HECA: variants seen among roughly 807,000 people sequenced by gnomAD.
HECA encodes headcase protein homolog.
In HECA, 13 loss-of-function variants were observed where a neutral mutation model predicts 37.6. The ratio of observed to expected loss-of-function variants is 0.35; its 90% CI spans 0.23 to 0.55. HECA has a LOEUF of 0.55. Ranked by LOEUF, HECA falls within the 20% of genes least tolerant of loss-of-function variation. The pLI is 0.90. For synonymous variants in HECA, 307 were observed against 291.5 expected, an observed-to-expected ratio of 1.05 and a Z score of -0.54; for missense variants, 527 against 701.9, an observed-to-expected ratio of 0.75 and a Z score of 2.82.
chr6:139,150,273 A>G (rs947583789), intron 1 of HECA, among the ~76,000 whole-genome samples: 1 of 152,188 alleles, frequency 6.6e-6, no homozygotes, highest in African/African-American at 2.4e-5. Context: ...AATACTGGTC[A>G]TGTGTATGTA....
intron 2 of HECA, 49 bp downstream of exon 2, chr6:139,167,373 A>G: frequency 1.4e-6 from 2 of 1,401,620 alleles, no homozygotes; most frequent in Non-Finnish European, 2.0e-6. Flanking sequence ...TAAAAACCAA[A>G]CAACAAACAA....
intron 1 of HECA, among the ~76,000 whole-genome samples, chr6:139,149,518 G>A (rs1774626732): frequency 6.6e-6 from 1 of 152,234 alleles, no homozygotes; most frequent in Non-Finnish European, 1.5e-5. Context: ...TTCCCAACCA[G>A]TGATGAATGC....
At chr6:139,163,709 A>G (rs986545480) in intron 1 of HECA, among the ~76,000 whole-genome samples, 1 of 151,994 alleles carries the variant, frequency 6.6e-6, no homozygotes, top group Non-Finnish European at 1.5e-5. Context: ...TTCTGAGTTC[A>G]TTTCTTACCA....
chr6:139,166,547 C>G lies in HECA; in HGVS notation c.535C>G (p.Arg179Gly). 1 of 1,614,230 alleles carries G rather than the reference C, an allele frequency of 6.2e-7. No homozygotes were observed. Among genetic ancestry groups the G allele is most frequent in the Non-Finnish European group, 8.5e-7 (1 of 1,180,044 alleles). Residue 179 changes from arginine (R) to glycine (G), a missense_variant, in exon 2 of 4, where the codon CGC (arginine) becomes GGC (glycine). Around this residue, in one of 4 missense-constraint regions of HECA, gnomAD observed 21 missense variants for 51.2 expected, o/e 0.41. Transcript: ENST00000367658. Reference protein sequence around the residue: ...YDLAFRFCSCRCGQGHLKKDT... With the variant: ...YDLAFRFCSCGCGQGHLKKDT... ...CCTGGCCTTCCGCTTCTGCTCTTGC[C>G]GCTGTGGCCAGGGCCACTTGAAGAA...
rs1228765708 is a variant in HECA at position 139,177,228 on chromosome 6, A to G, written c.*123A>G. ...ATTTAAAGGAGAGTTACTTTGTTGT[A>G]TGTGTGCCACTAAAATAGGGGCTGC... On this transcript the variant is annotated 3_prime_UTR_variant, in exon 4 of 4. Transcript: ENST00000367658. This position sits in a 1 kb window ranked among gnomAD's most constrained non-coding sequence, Gnocchi z 4.9. The G allele has an allele frequency of 1.5e-5, 9 of 608,736 alleles. No individual in the cohort carries two copies. Among genetic ancestry groups the G allele is most frequent in the Admixed American group, 1.4e-4 (5 of 35,084 alleles). 37.7% of individuals were successfully genotyped at this position (608,736 alleles called of 1,614,324 possible). A position where few individuals can be genotyped will look rare whatever the true frequency, so the allele number is the denominator to read the frequency against.
In HECA at chr6:139,146,019, G is replaced by C. The variant is rs1774579726; in HGVS notation, c.271+10352G>C. 3.8e-5 allele frequency among the ~76,000 whole-genome samples: 5 copies of C among 132,024 alleles called. No individual in the cohort carries two copies. In the South Asian group the frequency reaches 1.2e-3, roughly 31 times the overall value. 86.6% of individuals were successfully genotyped at this position (132,024 alleles called of 152,430 possible). On this transcript the variant is annotated intron_variant, in intron 1 of 3. Coordinates refer to ENST00000367658, the MANE Select transcript of HECA (RefSeq NM_016217.3). ...TTTTATGCCACAGTGGCATATTCTG[G>C]ACCCCCTCACAATATATTGCCACTC...
intron 3 of HECA, among the ~76,000 whole-genome samples, chr6:139,175,618 A>G (rs1775040872): frequency 6.6e-6 from 1 of 152,136 alleles, no homozygotes. Context: ...ACTGGAAAGG[A>G]CCTGGGATCT....
chr6:139,177,212 A>T lies in HECA; in HGVS notation c.*107A>T, dbSNP rs1775064655. 1.6e-6 allele frequency: 1 copy of T among 639,390 alleles called. No individual in the cohort carries two copies. The highest frequency in any genetic ancestry group is 1.8e-5 in the African/African-American group (1 of 55,306). The allele number at this position is 639,390 out of a possible 1,614,324, so 39.6% of individuals were successfully genotyped here. The stretch of plus-strand genomic sequence containing the variant: ...ATTAATTTCCTTTCTAATTTAAAGG[A>T]GAGTTACTTTGTTGTATGTGTGCCA... On this transcript the variant is annotated 3_prime_UTR_variant, in exon 4 of 4. Transcript: ENST00000367658. The surrounding 1 kb of genome is among the most constrained non-coding windows in gnomAD (Gnocchi z 4.9).
chr6:139,168,425 GTT>G (rs11428839), intron 2 of HECA, among the ~76,000 whole-genome samples: 39 of 138,146 alleles, frequency 2.8e-4, no homozygotes, highest in Non-Finnish European at 2.8e-4. Context: ...GATTTGCATA[GTT>G]TTTTTTTTTT....
intron 2 of HECA, among the ~76,000 whole-genome samples, chr6:139,167,779 G>A (rs1188201910): frequency 1.3e-5 from 2 of 152,204 alleles, no homozygotes; most frequent in East Asian, 1.9e-4. Flanking sequence ...AAAGATGAGA[G>A]TGTGTTGATA....
intron 2 of HECA, among the ~76,000 whole-genome samples, chr6:139,171,252 T>C (rs2114485718): frequency 1.3e-5 from 2 of 152,120 alleles, no homozygotes; most frequent in Admixed American, 1.3e-4. Context: ...AAGGAGGATA[T>C]GATAAACCCA....
Position 139,135,429 on chromosome 6 carries a change from C to T in HECA, c.33C>T (p.Arg11=). The T allele has an allele frequency of 7.2e-7, 1 of 1,383,118 alleles. No individual in the cohort carries two copies. Among genetic ancestry groups the T allele is most frequent in the Non-Finnish European group, 9.5e-7 (1 of 1,047,718 alleles). 85.7% of individuals were successfully genotyped at this position (1,383,118 alleles called of 1,614,324 possible). A position where few individuals can be genotyped will look rare whatever the true frequency, so the allele number is the denominator to read the frequency against. Residue 11 remains arginine, a synonymous_variant, in exon 1 of 4, where the codon CGC becomes CGT. Coordinates refer to ENST00000367658, the MANE Select transcript of HECA (RefSeq NM_016217.3). ...ACCCCAAAAACAGCAAAGGCGGCCG[C>T]AAAAACAAGCGCGCCAACAGCAGCG... MPNPKNSKGG[R]KNKRANSSGD... is the part of the protein sequence containing the mutation.
intron 1 of HECA, among the ~76,000 whole-genome samples, chr6:139,139,599 T>G (rs890128518): frequency 3.3e-5 from 5 of 152,172 alleles, no homozygotes; most frequent in African/African-American, 1.2e-4. Flanking sequence ...GTGATGCATC[T>G]GTAACAGAGA....
chr6:139,173,563 G>C (rs1233264938), intron 2 of HECA, among the ~76,000 whole-genome samples: 3 of 152,162 alleles, frequency 2.0e-5, no homozygotes, highest in Non-Finnish European at 1.5e-5. Flanking sequence ...GTGTTCTCCT[G>C]ATGGTAGTTT....
rs1393306954 is a variant in HECA at position 139,179,227 on chromosome 6, C to T, written c.*2122C>T. On this transcript the variant is annotated 3_prime_UTR_variant, in exon 4 of 4. Transcript: ENST00000367658. ...CAAAAAGTGCTAAGTTTCTCTTGTCCTCGTAATACCATTTGGATTTTATTT... is the reference window on the plus strand; with the variant it reads ...CAAAAAGTGCTAAGTTTCTCTTGTCTTCGTAATACCATTTGGATTTTATTT... 6.6e-6 allele frequency: 1 copy of T among 152,152 alleles called. No homozygotes were observed. Among genetic ancestry groups the T allele is most frequent in the Non-Finnish European group, 1.5e-5 (1 of 68,032 alleles). 9.4% of individuals were successfully genotyped at this position (152,152 alleles called of 1,614,324 possible). A position where few individuals can be genotyped will look rare whatever the true frequency, so the allele number is the denominator to read the frequency against.
chr6:139,168,425 G>GTTT (rs11428839), intron 2 of HECA, among the ~76,000 whole-genome samples: 14 of 138,186 alleles, frequency 1.0e-4, no homozygotes, highest in Admixed American at 1.4e-4. Context: ...GATTTGCATA[G>GTTT]TTTTTTTTTT....
At chr6:139,168,454 G>A (rs1028627406) in intron 2 of HECA, among the ~76,000 whole-genome samples, 2 of 141,718 alleles carry the variant, frequency 1.4e-5, no homozygotes, top group African/African-American at 5.3e-5. Context: ...ACTTTGGCTA[G>A]TTCTCACTCT....
intron 1 of HECA, among the ~76,000 whole-genome samples, chr6:139,153,400 A>G (rs1045442145): frequency 6.6e-6 from 1 of 151,942 alleles, no homozygotes; most frequent in Non-Finnish European, 1.5e-5. Flanking sequence ...GGTAACCATT[A>G]TCATCCATTT....
chr6:139,168,704 G>A (rs1774929986), intron 2 of HECA, among the ~76,000 whole-genome samples: 3 of 151,110 alleles, frequency 2.0e-5, no homozygotes, highest in African/African-American at 4.9e-5. Context: ...TTTTTTTCTC[G>A]GTTTATTCTC....
Sources: allele counts gnomAD v4.1 joint callset (sites outside exome capture counted in the v4.1 genomes callset), GRCh38; gene constraint gnomAD v4.1.1; regional missense constraint gnomAD v4.1.1; non-coding constraint Gnocchi (gnomAD v3.1); transcripts MANE v1.5; gene names NCBI Gene and HGNC (gene_info 2026-07-23, HGNC 2026-07-21).